SLFN11: variants seen among roughly 807,000 people sequenced by gnomAD.
SLFN11 encodes schlafen family member 11.
In SLFN11, 43 loss-of-function variants were observed where a neutral mutation model predicts 53.4. The observed-to-expected ratio is 0.80, with a 90% CI of 0.63 to 1.04. SLFN11 has a LOEUF of 1.04. Ranked by LOEUF, SLFN11 falls within the 50% of genes least tolerant of loss-of-function variation. SLFN11 has a pLI of 0.00. For missense variants in SLFN11, 990 were observed against 1,079.1 expected, an observed-to-expected ratio of 0.92 and a Z score of 1.16; for synonymous variants, 389 against 394.7, an observed-to-expected ratio of 0.99 and a Z score of 0.17.
At chr17:35,357,440 C>T (rs1002710869) in intron 5 of SLFN11, among the ~76,000 whole-genome samples, 8 of 151,572 alleles carry the variant, frequency 5.3e-5, no homozygotes, top group Admixed American at 5.3e-4. Context: ...TCTTCTAGAA[C>T]TTTTCTGGCT....
intron 5 of SLFN11, 105 bp downstream of exon 5, chr17:35,360,138 G>T: frequency 8.2e-7 from 1 of 1,217,200 alleles, no homozygotes; most frequent in Non-Finnish European, 1.2e-6. Flanking sequence ...TTACAAATGG[G>T]TTTGCAGAGC....
At position 35,362,917 on chromosome 17, in the gene SLFN11, G is replaced by T. The variant is rs1908418545; in HGVS notation, c.891C>A (p.Leu297=). The T allele has an allele frequency of 6.2e-7, 1 of 1,613,722 alleles. No homozygotes were observed. Among genetic ancestry groups the T allele is most frequent in the South Asian group, 1.1e-5 (1 of 91,054 alleles). Residue 297 remains leucine, a synonymous_variant, in exon 4 of 7, where the codon CTC becomes CTA. Coordinates refer to ENST00000685675, the MANE Select transcript of SLFN11 (RefSeq NM_001376007.1). ...CCCTTTTTAACACATTCACAATTTTGAGTGTGAAGGTTATCGGGCGTTGGG... is the reference window on the plus strand; with the variant it reads ...CCCTTTTTAACACATTCACAATTTTTAGTGTGAAGGTTATCGGGCGTTGGG... ...CQPQRPITFT[L]KIVNVLKRGE...
chr17:35,362,471 C>T (rs1350838284), intron 4 of SLFN11, among the ~76,000 whole-genome samples: 2 of 152,044 alleles, frequency 1.3e-5, no homozygotes, highest in African/African-American at 4.8e-5. Flanking sequence ...AGAGCCATTC[C>T]AGTACACCAT....
In SLFN11 at chr17:35,353,488, G is replaced by T. The variant is rs112159604; in HGVS notation, c.1770C>A (p.Arg590=). 55,914 of 1,575,126 alleles carry T rather than the reference G, an allele frequency of 0.035. 2,445 individuals are homozygous for T. The highest frequency in any genetic ancestry group is 0.19 in the East Asian group (8,266 of 44,086). The change falls in exon 6 of 7, where the codon CGC becomes CGA. Residue 590 remains arginine (R), a synonymous_variant. Coordinates refer to ENST00000685675, the MANE Select transcript of SLFN11 (RefSeq NM_001376007.1). ...CGTGGACAAACAACTCTCTGTTCTTGCGGAGGCTTCTGGAGAATATCTCAT... is the reference window on the plus strand; with the variant it reads ...CGTGGACAAACAACTCTCTGTTCTTTCGGAGGCTTCTGGAGAATATCTCAT... ...QQYEIFSRSL[R]KNRELFVHGL... is the part of the protein sequence containing the mutation.
rs779549428 is a variant in SLFN11, at chr17:35,353,038, G to A, written c.2024C>T (p.Thr675Ile). ...IVIDEAQNFR[T>I]EDGDWYGKAK... The stretch of plus-strand genomic sequence containing the variant: ...CTTCCCATACCAGTCCCCATCTTCA[G>A]TACGGAAATTCTGAGCTTCGTCAAT... The change falls in exon 7 of 7, where the codon ACT becomes ATT. Residue 675 changes from threonine to isoleucine, a missense_variant. Transcript: ENST00000685675. 1.1e-5 allele frequency: 17 copies of A among 1,614,046 alleles called. No individual in the cohort carries two copies. In the African/African-American group the frequency reaches 1.6e-4, roughly 15 times the overall value.
At chr17:35,359,166 T>C (rs1303335833) in intron 5 of SLFN11, among the ~76,000 whole-genome samples, 1 of 152,176 alleles carries the variant, frequency 6.6e-6, no homozygotes, top group African/African-American at 2.4e-5. Context: ...TGTTCCTCTA[T>C]GGGCATATAG....
chr17:35,364,546 A>T (rs1908704639), intron 3 of SLFN11, among the ~76,000 whole-genome samples: 1 of 152,144 alleles, frequency 6.6e-6, no homozygotes, highest in Non-Finnish European at 1.5e-5. Context: ...AATGCTGTTC[A>T]GACACCTGGG....
rs1323905205 is a variant in SLFN11 at position 35,366,973 on chromosome 17, G to A, written c.-46C>T. On this transcript the variant is annotated 5_prime_UTR_variant, in exon 3 of 7. Coordinates refer to ENST00000685675, the MANE Select transcript of SLFN11 (RefSeq NM_001376007.1). ...TGTGGTCCCAGCTACTCAGGCGGCT[G>A]AGGTGAGAGAATCACCTGAGCCTTC... is the stretch of plus-strand genomic sequence containing the variant. 1 of 151,678 alleles carries A rather than the reference G, an allele frequency of 6.6e-6. No individual in the cohort carries two copies. The highest frequency in any genetic ancestry group is 6.6e-5 in the Admixed American group (1 of 15,220). The allele number at this position is 151,678 out of a possible 1,614,324, so 9.4% of individuals were successfully genotyped here. A position where few individuals can be genotyped will look rare whatever the true frequency, so the allele number is the denominator to read the frequency against.
chr17:35,365,603 C>G (rs1007758429), intron 3 of SLFN11, among the ~76,000 whole-genome samples: 1 of 152,054 alleles, frequency 6.6e-6, no homozygotes, highest in African/African-American at 2.4e-5. Context: ...CTGACAAAAA[C>G]ATTTTAATAA....
At position 35,363,407 on chromosome 17, in the gene SLFN11, C is replaced by T. The variant is rs376084054; in HGVS notation, c.401G>A (p.Arg134His). 4.9e-5 allele frequency: 79 copies of T among 1,613,808 alleles called. No individual in the cohort carries two copies. The highest frequency in any genetic ancestry group is 4.8e-4 in the African/African-American group (36 of 74,964). ...RLCSLSSSLY[R>H]RSETSVRSMD... ...GGAACGCACAGAGGTCTCAGATCTA[C>T]GGTATAATGAAGAACTGAGGCTGCA... The change falls in exon 4 of 7, where the codon CGT becomes CAT. Residue 134 changes from arginine to histidine, a missense_variant. By Grantham distance (29) the Arg-to-His change is conservative (BLOSUM62 0). This residue lies in a region of SLFN11 where 521 missense variants were observed against 516.2 expected (regional missense o/e 1.01). Coordinates refer to ENST00000685675, the MANE Select transcript of SLFN11 (RefSeq NM_001376007.1).
At chr17:35,360,753 C>G (rs1042233281) in intron 4 of SLFN11, among the ~76,000 whole-genome samples, 10 of 152,112 alleles carry the variant, frequency 6.6e-5, no homozygotes, top group Non-Finnish European at 8.8e-5. Context: ...ACCCAACTCT[C>G]AACTCTGTTC....
At chr17:35,355,852 A>C (rs887508958) in intron 5 of SLFN11, among the ~76,000 whole-genome samples, 3 of 152,052 alleles carry the variant, frequency 2.0e-5, no homozygotes, top group African/African-American at 7.2e-5. Flanking sequence ...TCACTTGATA[A>C]ACTCCTCACC....
In SLFN11 at chr17:35,351,352, G is replaced by C. The variant is rs1906654413; in HGVS notation, c.*1004C>G. 6.6e-6 allele frequency: 1 copy of C among 152,066 alleles called. No homozygotes were observed. The highest frequency in any genetic ancestry group is 2.1e-4 in the South Asian group (1 of 4,822). The allele number at this position is 152,066 out of a possible 1,614,324, so 9.4% of individuals were successfully genotyped here. A position where few individuals can be genotyped will look rare whatever the true frequency, so the allele number is the denominator to read the frequency against. ...AGCCCCAGCTCCACAGTGCAGGTTG[G>C]GGCTTCAACACGGGAATTTGGGGGT... is the stretch of plus-strand genomic sequence containing the variant. On this transcript the variant is annotated 3_prime_UTR_variant, in exon 7 of 7. Coordinates refer to ENST00000685675, the MANE Select transcript of SLFN11 (RefSeq NM_001376007.1).
chr17:35,368,363 T>C (rs1032163870), intron 1 of SLFN11, among the ~76,000 whole-genome samples: 1 of 152,106 alleles, frequency 6.6e-6, no homozygotes, highest in South Asian at 2.1e-4. Context: ...AGACTTTGCA[T>C]TGAACTCAGT....
In SLFN11 at chr17:35,353,481, T is replaced by C. The variant is rs745432136; in HGVS notation, c.1777A>G (p.Arg593Gly). The change falls in exon 6 of 7, where the codon AGA becomes GGA. Residue 593 changes from arginine (R) to glycine (G), a missense_variant. Arg to Gly is a moderately radical substitution (Grantham distance 125). Coordinates refer to ENST00000685675, the MANE Select transcript of SLFN11 (RefSeq NM_001376007.1). Reference protein sequence around the residue: ...EIFSRSLRKNRELFVHGLPGS... With the variant: ...EIFSRSLRKNGELFVHGLPGS... ...GGTAAGCCGTGGACAAACAACTCTC[T>C]GTTCTTGCGGAGGCTTCTGGAGAAT... 1 of 1,586,052 alleles carries C rather than the reference T, an allele frequency of 6.3e-7. No individual in the cohort carries two copies. Among genetic ancestry groups the C allele is most frequent in the South Asian group, 1.1e-5 (1 of 89,374 alleles).
Position 35,350,545 on chromosome 17 carries a change from C to T in SLFN11, c.*1811G>A, listed in dbSNP as rs1323598406. On this transcript the variant is annotated 3_prime_UTR_variant, in exon 7 of 7. Transcript: ENST00000685675. ...AATTAGACTTTTAAAGAATTACTCT[C>T]AAAGACATTGCAACAACTCCAAAGT... 6.6e-6 allele frequency: 1 copy of T among 152,172 alleles called. No individual in the cohort carries two copies. The highest frequency in any genetic ancestry group is 2.4e-5 in the African/African-American group (1 of 41,432). 9.4% of individuals were successfully genotyped at this position (152,172 alleles called of 1,614,324 possible). A position where few individuals can be genotyped will look rare whatever the true frequency, so the allele number is the denominator to read the frequency against.
Position 35,363,328 on chromosome 17 carries a change from G to C in SLFN11, c.480C>G (p.Ile160Met). 6.2e-7 allele frequency: 1 copy of C among 1,613,996 alleles called. No homozygotes were observed. Among genetic ancestry groups the C allele is most frequent in the East Asian group, 2.2e-5 (1 of 44,876 alleles). ...CFLKTKRKPK[I>M]LEEGPFHKIH... Reference sequence around the variant, plus strand: ...TTTTGTGAAAAGGTCCTTCTTCCAAGATTTTTGGCTTCCTTTTGGTCTTCA... The same window carrying C: ...TTTTGTGAAAAGGTCCTTCTTCCAACATTTTTGGCTTCCTTTTGGTCTTCA... Residue 160 changes from isoleucine to methionine, a missense_variant, in exon 4 of 7, where the codon ATC (isoleucine) becomes ATG (methionine). By Grantham distance (10) the Ile-to-Met change is conservative. Around this residue, in one of 3 missense-constraint regions of SLFN11, gnomAD observed 521 missense variants for 516.2 expected, o/e 1.01. Transcript: ENST00000685675.
intron 1 of SLFN11, among the ~76,000 whole-genome samples, chr17:35,368,719 G>A (rs1285012301): frequency 1.3e-5 from 2 of 152,070 alleles, no homozygotes; most frequent in South Asian, 2.1e-4. Context: ...GTGACTCTCA[G>A]CTCCAAAAAG....
intron 3 of SLFN11, among the ~76,000 whole-genome samples, chr17:35,364,320 A>G (rs1908663861): frequency 6.6e-6 from 1 of 152,096 alleles, no homozygotes; most frequent in Admixed American, 6.5e-5. Context: ...GAAAAACCAG[A>G]GGTAGGAGAA....
Sources: allele counts gnomAD v4.1 joint callset (sites outside exome capture counted in the v4.1 genomes callset), GRCh38; gene constraint gnomAD v4.1.1; regional missense constraint gnomAD v4.1.1; transcripts MANE v1.5; gene names NCBI Gene and HGNC (gene_info 2026-07-23, HGNC 2026-07-21).